MALRD1: variants seen among roughly 807,000 people sequenced by gnomAD.
MALRD1 encodes MAM and LDL-receptor class A domain-containing protein 1.
MALRD1 carries 247 observed loss-of-function variants against 242.1 expected under a neutral mutation model. That is an observed-to-expected ratio of 1.02 (90% CI 0.92 to 1.13). The LOEUF is 1.13. MALRD1 is among the 50% of genes most tolerant of loss of function. The pLI is 0.00. For synonymous variants in MALRD1, 995 were observed against 866.6 expected (o/e 1.15, Z -2.60); for missense variants, 2,989 against 2,533.1 (o/e 1.18, Z -3.86).
intron 5 of MALRD1, among the ~76,000 whole-genome samples, chr10:19,116,247 A>G (rs959594897): frequency 6.6e-6 from 1 of 152,220 alleles, no homozygotes; most frequent in Non-Finnish European, 1.5e-5. Flanking sequence ...TAACGATTTC[A>G]TGCTGTGGCT....
At chr10:19,286,825 C>T (rs1339903165) in intron 21 of MALRD1, among the ~76,000 whole-genome samples, 1 of 150,954 alleles carries the variant, frequency 6.6e-6, no homozygotes, top group Non-Finnish European at 1.5e-5. Flanking sequence ...TTTTATGAGG[C>T]CAGCATCATT....
In MALRD1 at chr10:19,087,610, T is replaced by A. The variant is rs894118854; in HGVS notation, c.341-230T>A. Among the ~76,000 whole-genome samples, 3 of 151,806 alleles carry A rather than the reference T, an allele frequency of 2.0e-5. No individual in the cohort carries two copies. In the East Asian group the frequency reaches 5.8e-4, roughly 29 times the overall value. On this transcript the variant is annotated intron_variant, in intron 2 of 39. Coordinates refer to ENST00000454679, the MANE Select transcript of MALRD1 (RefSeq NM_001142308.3). ...GTGTATATCTATGGGGTACATGAGATGTTTTGATACAGGTATCCAATGCGT... is the reference window on the plus strand; with the variant it reads ...GTGTATATCTATGGGGTACATGAGAAGTTTTGATACAGGTATCCAATGCGT...
intron 19 of MALRD1, among the ~76,000 whole-genome samples, chr10:19,275,320 T>C (rs188038932): frequency 6.6e-4 from 101 of 152,326 alleles, no homozygotes; most frequent in Non-Finnish European, 1.0e-3. Flanking sequence ...TGACACTCAA[T>C]TCGCTGGGCT....
chr10:19,217,191 A>G (rs1257996684), intron 18 of MALRD1, among the ~76,000 whole-genome samples: 1 of 152,088 alleles, frequency 6.6e-6, no homozygotes, highest in Non-Finnish European at 1.5e-5. Context: ...TTATTACTTA[A>G]AACCCATTGG....
chr10:19,345,900 A>G (rs542109349), intron 24 of MALRD1, among the ~76,000 whole-genome samples: 61 of 152,188 alleles, frequency 4.0e-4, no homozygotes, highest in African/African-American at 1.4e-3. Context: ...TCCCCAAATG[A>G]CATAGAAACG....
intron 33 of MALRD1, among the ~76,000 whole-genome samples, chr10:19,576,905 T>A (rs916970816): frequency 6.6e-6 from 1 of 151,830 alleles, no homozygotes; most frequent in African/African-American, 2.4e-5. Flanking sequence ...GTATTGTTGA[T>A]ATCTGTAGCT....
Position 19,370,177 on chromosome 10 carries a change from C to T in MALRD1, c.4442-17351C>T, listed in dbSNP as rs776442085. ...AATTAATTATATACCTGTAGATCTA[C>T]AACTGGTACTTTGTTCTCTTTCATC... is the stretch of plus-strand genomic sequence containing the variant. On this transcript the variant is annotated intron_variant, in intron 26 of 39. Coordinates refer to ENST00000454679, the MANE Select transcript of MALRD1 (RefSeq NM_001142308.3). Among the ~76,000 whole-genome samples the T allele has an allele frequency of 1.9e-4, 29 of 152,202 alleles. 1 individual carries two copies. Among genetic ancestry groups the T allele is most frequent in the Admixed American group, 1.6e-3 (24 of 15,278 alleles).
chr10:19,699,799 C>T (rs558627306), intron 38 of MALRD1, among the ~76,000 whole-genome samples: 96 of 151,926 alleles, frequency 6.3e-4, no homozygotes, highest in African/African-American at 2.0e-3. Flanking sequence ...CACTTTTAAA[C>T]GACCAGATCT....
intron 38 of MALRD1, among the ~76,000 whole-genome samples, chr10:19,700,031 C>T (rs909564645): frequency 3.3e-5 from 5 of 150,970 alleles, no homozygotes; most frequent in African/African-American, 9.8e-5. Context: ...GACACACACA[C>T]ACACACACAC....
chr10:19,115,493 A>G (rs1377235667), intron 5 of MALRD1, among the ~76,000 whole-genome samples: 1 of 152,178 alleles, frequency 6.6e-6, no homozygotes, highest in Non-Finnish European at 1.5e-5. Context: ...ACTTTACCAT[A>G]TGTAAATTTA....
chr10:19,184,240 A>T (rs1174421832), intron 14 of MALRD1, among the ~76,000 whole-genome samples: 1 of 152,234 alleles, frequency 6.6e-6, no homozygotes, highest in African/African-American at 2.4e-5. Context: ...AATGTTTAAC[A>T]TGATCTGCAC....
At chr10:19,706,736 A>G (rs1209896354) in intron 38 of MALRD1, among the ~76,000 whole-genome samples, 1 of 152,106 alleles carries the variant, frequency 6.6e-6, no homozygotes, top group Non-Finnish European at 1.5e-5. Context: ...CACCAACTAG[A>G]CAGAGAAGGA....
At chr10:19,272,628 C>T (rs1840304616) in intron 19 of MALRD1, among the ~76,000 whole-genome samples, 1 of 152,118 alleles carries the variant, frequency 6.6e-6, no homozygotes, top group East Asian at 1.9e-4. Context: ...AACCTTTCAT[C>T]TAGGTTTTAA....
chr10:19,673,264 G>A (rs1842003481), intron 36 of MALRD1, among the ~76,000 whole-genome samples: 1 of 152,106 alleles, frequency 6.6e-6, no homozygotes. Flanking sequence ...GCGGGCGCCT[G>A]TAGTCCCAGC....
intron 24 of MALRD1, among the ~76,000 whole-genome samples, chr10:19,339,036 A>G (rs1278284653): frequency 2.0e-5 from 3 of 148,414 alleles, no homozygotes; most frequent in Admixed American, 6.7e-5. Flanking sequence ...CAGGGTGACT[A>G]TACACACACA....
Position 19,520,949 on chromosome 10 carries a change from C to T in MALRD1, c.5321-10245C>T, listed in dbSNP as rs201152177. 1.6e-4 allele frequency among the ~76,000 whole-genome samples: 25 copies of T among 152,264 alleles called. No individual in the cohort carries two copies. In the East Asian group the frequency reaches 4.6e-3, roughly 28 times the overall value. ...TCCTTTACTTTGGTATATTTGTCTA[C>T]ATTTATTTAAAATATTTCCAAGAAT... On this transcript the variant is annotated intron_variant, in intron 31 of 39. Coordinates refer to ENST00000454679, the MANE Select transcript of MALRD1 (RefSeq NM_001142308.3).
chr10:19,155,256 C>G (rs1834100948), intron 12 of MALRD1, 84 bp downstream of exon 12: 1 of 609,074 alleles, frequency 1.6e-6, no homozygotes. Context: ...AATTGCCCGC[C>G]ATGTTTTACT....
At chr10:19,705,671 A>G (rs968072368) in intron 38 of MALRD1, among the ~76,000 whole-genome samples, 1 of 150,938 alleles carries the variant, frequency 6.6e-6, no homozygotes, top group South Asian at 2.1e-4. Flanking sequence ...TCCTCTTTCT[A>G]TTCCTCCTGC....
At chr10:19,643,299 A>G (rs1840482734) in intron 36 of MALRD1, among the ~76,000 whole-genome samples, 1 of 152,044 alleles carries the variant, frequency 6.6e-6, no homozygotes, top group African/African-American at 2.4e-5. Flanking sequence ...AAAAAAAATT[A>G]GGCGGACGTG....
Sources: gnomAD v4.1 joint callset for allele counts (sites outside exome capture counted in the v4.1 genomes callset) on GRCh38, gnomAD v4.1.1 for gene constraint, MANE v1.5 for transcripts, NCBI Gene and HGNC (gene_info 2026-07-23, HGNC 2026-07-21) for gene names.